SLC26A5: variants seen among roughly 807,000 people sequenced by gnomAD.
SLC26A5 encodes solute carrier family 26 member 5.
In SLC26A5, 51 loss-of-function variants were observed where a neutral mutation model predicts 81.0. The ratio of observed to expected loss-of-function variants is 0.63; its 90% CI spans 0.50 to 0.80. The LOEUF is 0.80. Among genes scored for constraint, SLC26A5 ranks in the 30% least tolerant of loss-of-function variants. The pLI, the probability that SLC26A5 is intolerant of heterozygous loss-of-function variation, is 0.00. For missense variants in SLC26A5, 771 were observed against 905.8 expected (o/e 0.85, Z 1.91); for synonymous variants, 325 against 332.8 (o/e 0.98, Z 0.25).
intron 5 of SLC26A5, 141 bp from the exon 6 acceptor site, chr7:103,411,727 C>G: frequency 1.1e-6 from 1 of 929,624 alleles, no homozygotes; most frequent in Non-Finnish European, 1.7e-6. Context: ...TGTCCTGCCC[C>G]TGGTGTATGA....
chr7:103,426,675 T>C (rs79839073), intron 2 of SLC26A5, among the ~76,000 whole-genome samples: 10,822 of 152,206 alleles, frequency 0.071, 1,293 homozygotes, highest in African/African-American at 0.25. Flanking sequence ...GAAGATGTTG[T>C]AATGAAAGGC....
intron 4 of SLC26A5, among the ~76,000 whole-genome samples, chr7:103,417,408 A>C (rs1346368543): frequency 6.7e-6 from 1 of 149,828 alleles, no homozygotes; most frequent in Non-Finnish European, 1.5e-5. Context: ...GAAATAATTT[A>C]TTGTTTCTGT....
intron 19 of SLC26A5, chr7:103,364,382 T>G: frequency 6.5e-7 from 1 of 1,532,800 alleles, no homozygotes; most frequent in Non-Finnish European, 8.9e-7. Context: ...AAATGGCACT[T>G]CTGCATTGAG....
At chr7:103,369,475 C>T (rs1820901818), downstream of SLC26A5, 1 of 152,214 alleles carries the variant, frequency 6.6e-6, no homozygotes, top group Admixed American at 6.5e-5. Context: ...TAATGTTGAG[C>T]ACACTCTGTT....
chr7:103,364,105 C>T (rs751235684), intron 19 of SLC26A5: 4 of 1,588,978 alleles, frequency 2.5e-6, no homozygotes, highest in Non-Finnish European at 3.4e-6. Flanking sequence ...TTTTGTTATA[C>T]AGAAGTGGTA....
chr7:103,373,245 G>T (rs544372551), downstream of SLC26A5, among the ~76,000 whole-genome samples: 1 of 152,302 alleles, frequency 6.6e-6, no homozygotes, highest in African/African-American at 2.4e-5. Context: ...TGGATGATCA[G>T]ACTGTCATGC....
At chr7:103,390,645 C>A in intron 11 of SLC26A5, 139 bp from the exon 12 acceptor site, 2 of 752,006 alleles carry the variant, frequency 2.7e-6, no homozygotes, top group Non-Finnish European at 2.4e-6. Flanking sequence ...TAAACCACTA[C>A]ATAACCTATA....
chr7:103,443,202 C>T lies in SLC26A5; in HGVS notation c.-173G>A, dbSNP rs557664056. On this transcript the variant is annotated 5_prime_UTR_variant, in exon 2 of 20. Transcript: ENST00000306312. Reference sequence around the variant, plus strand: ...TGAGAGCAGGAGAAGGGAGAGCTCGCTCCTTGGCCCTATGTATAGAAGAAG... The same window carrying T: ...TGAGAGCAGGAGAAGGGAGAGCTCGTTCCTTGGCCCTATGTATAGAAGAAG... The T allele has an allele frequency of 5.3e-5, 8 of 152,272 alleles. No individual in the cohort carries two copies. In the South Asian group the frequency reaches 1.7e-3, roughly 32 times the overall value. The allele number at this position is 152,272 out of a possible 1,614,324, so 9.4% of individuals were successfully genotyped here.
In SLC26A5 at chr7:103,407,836, C is replaced by T. The variant is rs1313505215; in HGVS notation, c.888+15G>A. ...TTGTAGAAGCCGAGTAGGTCACTGA[C>T]CGAAGGTGACTTACCGCAAAGAACT... On this transcript the variant is annotated intron_variant, in intron 8 of 19. Transcript: ENST00000306312. The T allele has an allele frequency of 3.7e-6, 6 of 1,613,836 alleles. No individual in the cohort carries two copies. The highest frequency in any genetic ancestry group is 4.2e-6 in the Non-Finnish European group (5 of 1,179,882).
chr7:103,424,461 T>C (rs1022353645), intron 2 of SLC26A5, among the ~76,000 whole-genome samples: 3 of 152,244 alleles, frequency 2.0e-5, no homozygotes, highest in African/African-American at 4.8e-5. Flanking sequence ...TGAATGGGTA[T>C]GTTATGATTA....
chr7:103,375,170 A>G (rs927682010), intron 19 of SLC26A5, among the ~76,000 whole-genome samples: 12 of 149,696 alleles, frequency 8.0e-5, no homozygotes, highest in African/African-American at 2.9e-4. Flanking sequence ...TTATATATAT[A>G]TATAAACTAT....
At chr7:103,394,808 G>A (rs4363136) in intron 9 of SLC26A5, among the ~76,000 whole-genome samples, 23,322 of 152,134 alleles carry the variant, frequency 0.15, 1,984 homozygotes, top group East Asian at 0.31. Context: ...ATTTGGGCTG[G>A]CCTCGTGATG....
Position 103,378,569 on chromosome 7 carries a change from C to A in SLC26A5, c.1678-16G>T, listed in dbSNP as rs1203174617. The A allele has an allele frequency of 1.2e-6, 2 of 1,611,028 alleles. No individual in the cohort carries two copies. Among genetic ancestry groups the A allele is most frequent in the African/African-American group, 2.7e-5 (2 of 74,966 alleles). ...TCACTCCAGTCTTTACAGAAGAGCA[C>A]CATATGCAAAATCACTTCATGGCTC... On this transcript the variant is annotated splice_polypyrimidine_tract_variant and intron_variant, in intron 16 of 19. Coordinates refer to ENST00000306312, the MANE Select transcript of SLC26A5 (RefSeq NM_198999.3).
chr7:103,376,081 T>TC (rs1821336117), intron 19 of SLC26A5, among the ~76,000 whole-genome samples: 1 of 151,606 alleles, frequency 6.6e-6, no homozygotes, highest in Non-Finnish European at 1.5e-5. Flanking sequence ...TCATTTTCTT[T>TC]CTTTTTTTTT....
At chr7:103,374,670 T>A in intron 19 of SLC26A5, 78 bp from the exon 20 acceptor site, 4 of 1,252,688 alleles carry the variant, frequency 3.2e-6, no homozygotes, top group Non-Finnish European at 4.5e-6. Context: ...AACACTTCCA[T>A]ATAGTGTTTT....
chr7:103,418,539 G>C (rs1198593650), intron 4 of SLC26A5, among the ~76,000 whole-genome samples: 1 of 152,066 alleles, frequency 6.6e-6, no homozygotes, highest in Non-Finnish European at 1.5e-5. Context: ...CCCTTTCTCT[G>C]TTCTTGGGGT....
intron 2 of SLC26A5, chr7:103,433,695 TTTTC>T (rs1273666025): frequency 6.0e-5 from 9 of 149,592 alleles, no homozygotes; most frequent in African/African-American, 1.3e-4. Context: ...ATTAATTTTT[TTTTC>T]TTTCTTTTTT....
intron 5 of SLC26A5, 64 bp downstream of exon 5, chr7:103,412,938 T>C (rs1216735607): frequency 1.7e-6 from 2 of 1,157,296 alleles, no homozygotes; most frequent in Admixed American, 1.7e-5. Flanking sequence ...GCTATTTCTT[T>C]GGCACATTGC....
intron 2 of SLC26A5, among the ~76,000 whole-genome samples, chr7:103,430,924 T>A (rs1453671273): frequency 1.3e-5 from 2 of 152,222 alleles, no homozygotes; most frequent in Non-Finnish European, 2.9e-5. Flanking sequence ...CTACCACGGA[T>A]AAATTATTCC....
Sources: gnomAD v4.1 joint callset for allele counts (sites outside exome capture counted in the v4.1 genomes callset) on GRCh38, gnomAD v4.1.1 for gene constraint, MANE v1.5 for transcripts, NCBI Gene and HGNC (gene_info 2026-07-23, HGNC 2026-07-21) for gene names.